ABI3BP: variants seen among roughly 807,000 people sequenced by gnomAD.
ABI3BP encodes the protein target of Nesh-SH3.
In ABI3BP, 216 loss-of-function variants were observed where a neutral mutation model predicts 268.6. The ratio of observed to expected loss-of-function variants is 0.80; its 90% CI spans 0.72 to 0.90. The LOEUF (loss-of-function observed/expected upper bound fraction) is 0.90, where lower values mean the gene tolerates loss of function less well. Ranked by LOEUF, ABI3BP falls within the 40% of genes least tolerant of loss-of-function variation. The pLI is 0.00. For synonymous variants in ABI3BP, 730 were observed against 730.0 expected, an observed-to-expected ratio of 1.00 and a Z score of 0.00; for missense variants, 2,090 against 2,182.4, an observed-to-expected ratio of 0.96 and a Z score of 0.84.
chr3:100,809,577 G>A (rs2097795666), intron 49 of ABI3BP, among the ~76,000 whole-genome samples: 2 of 151,770 alleles, frequency 1.3e-5, no homozygotes, highest in South Asian at 2.1e-4. Context: ...TAGTCAATGT[G>A]GATTTCTTTT....
chr3:100,761,207 T>A (rs1247922953), intron 63 of ABI3BP, among the ~76,000 whole-genome samples: 1 of 152,174 alleles, frequency 6.6e-6, no homozygotes, highest in African/African-American at 2.4e-5. Context: ...GAGTACTGAT[T>A]GAGCTGGATA....
chr3:100,805,963 C>A (rs1031699612), intron 50 of ABI3BP, among the ~76,000 whole-genome samples: 18 of 152,018 alleles, frequency 1.2e-4, no homozygotes, highest in Non-Finnish European at 2.5e-4. Context: ...CATGTGAAAT[C>A]TAGGAGCACC....
At chr3:100,800,736 C>T (rs2097511519) in intron 51 of ABI3BP, among the ~76,000 whole-genome samples, 1 of 152,202 alleles carries the variant, frequency 6.6e-6, no homozygotes. Flanking sequence ...GCCTCAGCCT[C>T]CCAAAGTATT....
Position 100,832,260 on chromosome 3 carries a change from T to G in ABI3BP, c.2401+4A>C. Reference sequence around the variant, plus strand: ...ATTCTACAAAACAGAAACTACATATTTACCCAGTTTAGTTTGAGGTACTTC... The same window carrying G: ...ATTCTACAAAACAGAAACTACATATGTACCCAGTTTAGTTTGAGGTACTTC... On this transcript the variant is annotated splice_donor_region_variant and intron_variant, in intron 31 of 67. Coordinates refer to ENST00000471714, the MANE Select transcript of ABI3BP (RefSeq NM_001375547.2). 1 of 1,535,024 alleles carries G rather than the reference T, an allele frequency of 6.5e-7. No individual in the cohort carries two copies. Among genetic ancestry groups the G allele is most frequent in the East Asian group, 2.4e-5 (1 of 40,898 alleles).
intron 14 of ABI3BP, among the ~76,000 whole-genome samples, chr3:100,857,664 T>C (rs963183023): frequency 9.9e-5 from 15 of 152,234 alleles, no homozygotes; most frequent in African/African-American, 3.6e-4. Flanking sequence ...AAGCTATATG[T>C]CATTGCTTTA....
At chr3:100,917,435 T>A (rs1384487164) in intron 2 of ABI3BP, among the ~76,000 whole-genome samples, 1 of 152,136 alleles carries the variant, frequency 6.6e-6, no homozygotes, top group Non-Finnish European at 1.5e-5. Context: ...GTTCCTTGGT[T>A]TTGAAATGTA....
At chr3:100,785,125 AT>A (rs1443588297) in intron 57 of ABI3BP, among the ~76,000 whole-genome samples, 1 of 152,188 alleles carries the variant, frequency 6.6e-6, no homozygotes, top group African/African-American at 2.4e-5. Flanking sequence ...TTATTAACTA[AT>A]TTTTTAAAAT....
chr3:100,853,535 T>C (rs2098892384), intron 14 of ABI3BP, among the ~76,000 whole-genome samples: 1 of 152,198 alleles, frequency 6.6e-6, no homozygotes, highest in African/African-American at 2.4e-5. Flanking sequence ...ATTTCTATTG[T>C]TGCTTTTGAA....
At chr3:100,867,652 A>AC (rs2099066564) in intron 9 of ABI3BP, among the ~76,000 whole-genome samples, 1 of 147,686 alleles carries the variant, frequency 6.8e-6, no homozygotes, top group African/African-American at 2.6e-5. Context: ...AAAAAAAAAA[A>AC]AAAAAAAAAG....
chr3:100,891,406 A>G (rs1475892444), intron 4 of ABI3BP, among the ~76,000 whole-genome samples: 2 of 152,252 alleles, frequency 1.3e-5, no homozygotes, highest in African/African-American at 4.8e-5. Context: ...AGGAGACAGT[A>G]TAATTTTGAG....
At chr3:100,826,995 T>A (rs2098399286) in intron 34 of ABI3BP, among the ~76,000 whole-genome samples, 1 of 152,172 alleles carries the variant, frequency 6.6e-6, no homozygotes, top group Non-Finnish European at 1.5e-5. Context: ...CCTCTATTTA[T>A]ATCCAATTTT....
intron 30 of ABI3BP, among the ~76,000 whole-genome samples, chr3:100,832,702 C>A (rs2098513651): frequency 6.6e-6 from 1 of 152,038 alleles, no homozygotes; most frequent in African/African-American, 2.4e-5. Flanking sequence ...TAGGCTTGGG[C>A]AAATTTTCCA....
chr3:100,890,165 T>A (rs1378291927), intron 4 of ABI3BP, among the ~76,000 whole-genome samples: 1 of 152,176 alleles, frequency 6.6e-6, no homozygotes, highest in Non-Finnish European at 1.5e-5. Context: ...GACTGTCTTT[T>A]GGGTTTTCCA....
Position 100,838,476 on chromosome 3 carries a change from G to A in ABI3BP, c.1946-12C>T. 1.3e-6 allele frequency: 2 copies of A among 1,533,574 alleles called. No homozygotes were observed. The highest frequency in any genetic ancestry group is 1.7e-6 in the Non-Finnish European group (2 of 1,144,930). The allele number at this position is 1,533,574 out of a possible 1,614,324, so 95.0% of individuals were successfully genotyped here. On this transcript the variant is annotated splice_polypyrimidine_tract_variant and intron_variant, in intron 24 of 67. Transcript: ENST00000471714. The stretch of plus-strand genomic sequence containing the variant: ...AGATGGTTTTGAGGCTAAAGAAAAA[G>A]GTATTAAAATTACCACAATGGGTCA...
At position 100,912,117 on chromosome 3, in the gene ABI3BP, G is replaced by A. The variant is rs2056760743; in HGVS notation, c.260-9431C>T. The A allele has an allele frequency of 7.2e-5, 41 of 567,664 alleles. No individual in the cohort carries two copies. The South Asian group carries it at 7.4e-4, about 10-fold the overall frequency. 35.2% of individuals were successfully genotyped at this position (567,664 alleles called of 1,614,324 possible). On this transcript the variant is annotated intron_variant, in intron 2 of 67. Transcript: ENST00000471714. Reference sequence around the variant, plus strand: ...CACCTTCCGTGTCCCAGACAGTGCTGGGGTTGTGTAAGGCAAGCTGGTCAA... The same window carrying A: ...CACCTTCCGTGTCCCAGACAGTGCTAGGGTTGTGTAAGGCAAGCTGGTCAA...
chr3:100,756,206 T>C (rs1218178553), intron 63 of ABI3BP, among the ~76,000 whole-genome samples: 1 of 152,232 alleles, frequency 6.6e-6, no homozygotes, highest in Non-Finnish European at 1.5e-5. Context: ...AAAACACTTG[T>C]ACTGTTACTA....
In ABI3BP at chr3:100,902,640, T is replaced by C; in HGVS notation, c.306A>G (p.Pro102=). The C allele has an allele frequency of 1.2e-6, 2 of 1,613,902 alleles. No individual in the cohort carries two copies. The highest frequency in any genetic ancestry group is 1.7e-6 in the Non-Finnish European group (2 of 1,179,840). The part of the protein sequence containing the change: ...YLIVVRPAPP[P]SQKKSCSGKT... ...TACCTGAACATGACTTCTTTTGACT[T>C]GGAGGTGGAGCAGGTCGCACAACTA... The change falls in exon 3 of 68, where the codon CCA becomes CCG. Residue 102 remains proline (P), a synonymous_variant. Transcript: ENST00000471714.
chr3:100,767,733 A>G (rs2096348285), intron 62 of ABI3BP, among the ~76,000 whole-genome samples: 1 of 152,164 alleles, frequency 6.6e-6, no homozygotes, highest in Admixed American at 6.5e-5. Flanking sequence ...TGGGGATTAA[A>G]TTGGGTACAG....
In ABI3BP at chr3:100,820,219, C is replaced by T. The variant is rs1323191960; in HGVS notation, c.3031+1G>A. ...TACTTTAACCAGAAACCCAAATTTA[C>T]CCAGTTTGGTTTGAGGAACCTCAGG... On this transcript the variant is annotated splice_donor_variant, in intron 40 of 67. Transcript: ENST00000471714. LOFTEE classifies it high-confidence loss of function. 2.6e-6 allele frequency: 4 copies of T among 1,535,504 alleles called. No individual in the cohort carries two copies. Among genetic ancestry groups the T allele is most frequent in the South Asian group, 2.4e-5 (2 of 83,986 alleles).
Sources: allele counts gnomAD v4.1 joint callset (sites outside exome capture counted in the v4.1 genomes callset), GRCh38; gene constraint gnomAD v4.1.1; transcripts MANE v1.5; gene names NCBI Gene and HGNC (gene_info 2026-07-23, HGNC 2026-07-21).